ABLIM1: variants seen among roughly 807,000 people sequenced by gnomAD.
ABLIM1 encodes actin binding LIM protein 1.
In ABLIM1, 40 loss-of-function variants were observed where a neutral mutation model predicts 107.0. The ratio of observed to expected loss-of-function variants is 0.37; its 90% CI spans 0.29 to 0.49. The LOEUF is 0.49. Ranked by LOEUF, ABLIM1 falls within the 20% of genes least tolerant of loss-of-function variation. ABLIM1 has a pLI of 0.97. For synonymous variants in ABLIM1, 357 were observed against 357.3 expected, an observed-to-expected ratio of 1.00 and a Z score of 0.01; for missense variants, 857 against 1,008.5, an observed-to-expected ratio of 0.85 and a Z score of 2.04.
chr10:114,591,722 G>T (rs755614491), intron 2 of ABLIM1, among the ~76,000 whole-genome samples: 3 of 152,146 alleles, frequency 2.0e-5, no homozygotes, highest in Non-Finnish European at 4.4e-5. Context: ...TCTATAAATA[G>T]TACAGGCTAT....
chr10:114,691,526 C>T (rs1164899257), intron 1 of ABLIM1, among the ~76,000 whole-genome samples: 1 of 152,094 alleles, frequency 6.6e-6, no homozygotes, highest in Admixed American at 6.6e-5. Context: ...TGCTGTATTC[C>T]CTGCAAAAAC....
intron 12 of ABLIM1, among the ~76,000 whole-genome samples, chr10:114,461,020 C>T (rs1422409198): frequency 6.6e-6 from 1 of 152,054 alleles, no homozygotes; most frequent in Non-Finnish European, 1.5e-5. Flanking sequence ...ATCAATAATG[C>T]ATTTTTTCTT....
chr10:114,800,199 GAC>G, the ABLIM1 span, among the ~76,000 whole-genome samples: 1 of 152,158 alleles, frequency 6.6e-6, no homozygotes, highest in Non-Finnish European at 1.5e-5. Context: ...AAGATCCTGT[GAC>G]AGTCTTAATG....
chr10:114,508,938 A>G (rs2135928415), intron 6 of ABLIM1, among the ~76,000 whole-genome samples: 1 of 152,348 alleles, frequency 6.6e-6, no homozygotes, highest in South Asian at 2.1e-4. Flanking sequence ...TTTATAAAGT[A>G]CTTTCACATA....
At chr10:114,712,499 C>T (rs1022723896) in intron 1 of ABLIM1, among the ~76,000 whole-genome samples, 4 of 150,342 alleles carry the variant, frequency 2.7e-5, no homozygotes, top group Admixed American at 1.3e-4. Flanking sequence ...AATTTAGGAA[C>T]AAAAAAGACA....
chr10:114,463,223 T>C (rs563280917), intron 12 of ABLIM1: 2 of 1,202,792 alleles, frequency 1.7e-6, no homozygotes, highest in African/African-American at 3.2e-5. Flanking sequence ...GAACAGAAAT[T>C]AACACAGGAG....
rs769571754 is a variant in ABLIM1, at chr10:114,575,616, T to C, written c.380-17A>G. 1.9e-6 allele frequency: 3 copies of C among 1,606,626 alleles called. No homozygotes were observed. Among genetic ancestry groups the C allele is most frequent in the Non-Finnish European group, 2.6e-6 (3 of 1,175,494 alleles). ...AGCCACACACTGTAGAGAGACAAGT[T>C]CACATCTGGTCATTATCTGCCACAC... On this transcript the variant is annotated splice_polypyrimidine_tract_variant and intron_variant, in intron 2 of 22. Coordinates refer to ENST00000533213, the MANE Select transcript of ABLIM1 (RefSeq NM_002313.7).
intron 21 of ABLIM1, among the ~76,000 whole-genome samples, chr10:114,438,447 G>A (rs1335046118): frequency 6.6e-6 from 1 of 152,132 alleles, no homozygotes; most frequent in East Asian, 1.9e-4. Flanking sequence ...TTTTAGTAGA[G>A]ATGGGATTTT....
At chr10:114,659,108 T>G (rs1031057979), upstream of ABLIM1, among the ~76,000 whole-genome samples, 2 of 152,228 alleles carry the variant, frequency 1.3e-5, no homozygotes, top group African/African-American at 4.8e-5. Flanking sequence ...CATTGGGCTA[T>G]TATGTTCTAA....
At chr10:114,457,293 A>T (rs2063008844) in intron 12 of ABLIM1, among the ~76,000 whole-genome samples, 1 of 151,946 alleles carries the variant, frequency 6.6e-6, no homozygotes, top group Non-Finnish European at 1.5e-5. Context: ...TTTTTGAGAC[A>T]GAGTCTTGCT....
At position 114,619,337 on chromosome 10, in the gene ABLIM1, C is replaced by T. The variant is rs1210066966; in HGVS notation, c.245-17376G>A. ...TCAGCCTCCCGAGCAGCTGGGATTA[C>T]AGGCATGCACCACCATGCCTGGCTA... On this transcript the variant is annotated intron_variant, in intron 1 of 22. Transcript: ENST00000533213. This position sits in a 1 kb window ranked among gnomAD's most constrained non-coding sequence, Gnocchi z 4.1. 6.6e-6 allele frequency among the ~76,000 whole-genome samples: 1 copy of T among 151,940 alleles called. No homozygotes were observed. Among genetic ancestry groups the T allele is most frequent in the Non-Finnish European group, 1.5e-5 (1 of 67,994 alleles).
At chr10:114,637,822 G>A (rs1369411903) in intron 1 of ABLIM1, among the ~76,000 whole-genome samples, 1 of 152,146 alleles carries the variant, frequency 6.6e-6, no homozygotes, top group Admixed American at 6.5e-5. Flanking sequence ...GAGTACACAA[G>A]TACAAAAATA....
chr10:114,674,980 C>A (rs7916231), intron 1 of ABLIM1, among the ~76,000 whole-genome samples: 2 of 152,082 alleles, frequency 1.3e-5, no homozygotes, highest in African/African-American at 4.8e-5. Flanking sequence ...TATGAGCACA[C>A]GGCTCTTTCC....
rs563168222 is a variant in ABLIM1, at chr10:114,441,583, G to A, written c.1998+139C>T. On this transcript the variant is annotated intron_variant, in intron 18 of 22. Transcript: ENST00000533213. ...CCTGTAACTCAAATTAATTTACTAG[G>A]CAACCAGGGAGGTTAAAATTTTCAT... is the stretch of plus-strand genomic sequence containing the variant. 9 of 679,186 alleles carry A rather than the reference G, an allele frequency of 1.3e-5. No individual in the cohort carries two copies. In the South Asian group the frequency reaches 2.1e-4, roughly 16 times the overall value. The allele number at this position is 679,186 out of a possible 1,614,324, so 42.1% of individuals were successfully genotyped here.
intron 2 of ABLIM1, among the ~76,000 whole-genome samples, chr10:114,589,110 A>G (rs900075078): frequency 6.6e-6 from 1 of 152,168 alleles, no homozygotes; most frequent in African/African-American, 2.4e-5. Flanking sequence ...AGTTTTAAAA[A>G]CACAAATTTT....
chr10:114,720,018 T>C (rs998217870), intron 1 of ABLIM1, among the ~76,000 whole-genome samples: 3 of 152,138 alleles, frequency 2.0e-5, no homozygotes, highest in African/African-American at 7.2e-5. Flanking sequence ...TTCCTGATGC[T>C]CTCCCTTCCC....
intron 15 of ABLIM1, among the ~76,000 whole-genome samples, chr10:114,445,662 TC>T (rs1212442882): frequency 6.6e-6 from 1 of 152,228 alleles, no homozygotes; most frequent in Non-Finnish European, 1.5e-5. Flanking sequence ...GCCTCCCTGC[TC>T]CATTAGAACT....
At position 114,601,879 on chromosome 10, in the gene ABLIM1, T is replaced by C; in HGVS notation, c.327A>G (p.Glu109=). The part of the protein sequence containing the change: ...CHKCGEPCKG[E]VLRVQTKHFH... ...AATGTTTGGTCTGGACCCGAAGCAC[T>C]TCACCCTTGCAAGGCTCCCCACATT... Residue 109 remains glutamate, a synonymous_variant, in exon 2 of 23, where the codon GAA becomes GAG. Coordinates refer to ENST00000533213, the MANE Select transcript of ABLIM1 (RefSeq NM_002313.7). 5.6e-6 allele frequency: 9 copies of C among 1,614,142 alleles called. No individual in the cohort carries two copies. Among genetic ancestry groups the C allele is most frequent in the Non-Finnish European group, 7.6e-6 (9 of 1,180,026 alleles).
intron 13 of ABLIM1, among the ~76,000 whole-genome samples, chr10:114,452,401 T>G (rs963880366): frequency 1.3e-5 from 2 of 152,086 alleles, no homozygotes; most frequent in Non-Finnish European, 2.9e-5. Flanking sequence ...GGTGGGGCAT[T>G]TTTATGTGAA....
Sources: gnomAD v4.1 joint callset for allele counts (sites outside exome capture counted in the v4.1 genomes callset) on GRCh38, gnomAD v4.1.1 for gene constraint, Gnocchi (gnomAD v3.1) non-coding constraint, MANE v1.5 for transcripts, NCBI Gene and HGNC (gene_info 2026-07-23, HGNC 2026-07-21) for gene names.